The following HYCC1 variants were observed in gnomAD, a reference collection of about 807,000 sequenced individuals.
HYCC1 encodes hyccin.
the HYCC1 span, chr7:22,934,617 T>C: frequency 1.3e-5 from 2 of 152,224 alleles, no homozygotes; most frequent in Non-Finnish European, 2.9e-5. Context: ...GTCATACTCA[T>C]GGCTATGATT....
At chr7:22,995,353 A>AT in the HYCC1 span, among the ~76,000 whole-genome samples, 14 of 151,716 alleles carry the variant, frequency 9.2e-5, no homozygotes, top group African/African-American at 3.1e-4. Context: ...AATCTTGGTG[A>AT]TTTTTTTTCT....
At chr7:22,991,827 T>C in the HYCC1 span, among the ~76,000 whole-genome samples, 1 of 152,144 alleles carries the variant, frequency 6.6e-6, no homozygotes, top group African/African-American at 2.4e-5. Context: ...AACTATTTCC[T>C]GACGGAAAAC....
At chr7:23,013,522 C>T in the HYCC1 span, among the ~76,000 whole-genome samples, 1 of 152,160 alleles carries the variant, frequency 6.6e-6, no homozygotes, top group Admixed American at 6.5e-5. Flanking sequence ...CGGGGGGCTC[C>T]CGCCCCAGGC....
chr7:23,008,470 T>C, the HYCC1 span, among the ~76,000 whole-genome samples: 1 of 152,034 alleles, frequency 6.6e-6, no homozygotes, highest in Non-Finnish European at 1.5e-5. Context: ...AGTACAACTT[T>C]CTCTAGAAAA....
At chr7:22,994,436 A>C in the HYCC1 span, among the ~76,000 whole-genome samples, 1 of 152,168 alleles carries the variant, frequency 6.6e-6, no homozygotes, top group Admixed American at 6.5e-5. Context: ...GTCGGTTCTG[A>C]TAACAGTCTG....
chr7:22,960,449 G>A, the HYCC1 span: 4 of 1,486,366 alleles, frequency 2.7e-6, no homozygotes, highest in Non-Finnish European at 3.7e-6. Flanking sequence ...AGATCAACAT[G>A]AGCAGATAGA....
the HYCC1 span, among the ~76,000 whole-genome samples, chr7:22,913,113 A>C: frequency 7.0e-6 from 1 of 142,484 alleles, no homozygotes; most frequent in Non-Finnish European, 1.6e-5. Flanking sequence ...AACAAGAGCG[A>C]AACTCCATCT....
chr7:22,954,965 T>C, the HYCC1 span, among the ~76,000 whole-genome samples: 3 of 151,518 alleles, frequency 2.0e-5, no homozygotes, highest in African/African-American at 7.2e-5. Flanking sequence ...GAAACATAAA[T>C]TTTGTCTATG....
At chr7:22,924,426 T>C in the HYCC1 span, among the ~76,000 whole-genome samples, 1 of 152,140 alleles carries the variant, frequency 6.6e-6, no homozygotes, top group Non-Finnish European at 1.5e-5. Context: ...GGAATTCCCT[T>C]TCCTAGTCAA....
the HYCC1 span, among the ~76,000 whole-genome samples, chr7:23,006,803 G>T: frequency 6.6e-6 from 1 of 152,044 alleles, no homozygotes; most frequent in Non-Finnish European, 1.5e-5. Context: ...TCAAGAAAAC[G>T]CACACCAAAC....
At chr7:23,004,925 C>A in the HYCC1 span, among the ~76,000 whole-genome samples, 3 of 152,104 alleles carry the variant, frequency 2.0e-5, no homozygotes, top group Admixed American at 6.5e-5. Context: ...CCTGCCTCAG[C>A]CTCCTGAGTA....
the HYCC1 span, among the ~76,000 whole-genome samples, chr7:22,909,926 C>T: frequency 2.6e-5 from 4 of 152,224 alleles, no homozygotes; most frequent in Non-Finnish European, 5.9e-5. Flanking sequence ...TCTTTGCATT[C>T]TCAGTACCCA....
chr7:22,925,639 A>T, the HYCC1 span, among the ~76,000 whole-genome samples: 1 of 152,218 alleles, frequency 6.6e-6, no homozygotes, highest in Non-Finnish European at 1.5e-5. Flanking sequence ...AGAAAAAAGA[A>T]GAGAAAGAAA....
the HYCC1 span, among the ~76,000 whole-genome samples, chr7:23,010,455 A>G: frequency 1.1e-4 from 17 of 152,324 alleles, no homozygotes; most frequent in South Asian, 3.3e-3. Flanking sequence ...TTAAGAAACT[A>G]TAAAAAAGTA....
At chr7:23,014,117 C>T in the HYCC1 span, 1 of 468,864 alleles carries the variant, frequency 2.1e-6, no homozygotes, top group Admixed American at 2.3e-5. Flanking sequence ...GCCACCACTG[C>T]CGCCAGCCTC....
At chr7:22,949,047 G>A in the HYCC1 span, among the ~76,000 whole-genome samples, 1 of 151,768 alleles carries the variant, frequency 6.6e-6, no homozygotes, top group African/African-American at 2.4e-5. Context: ...CTACTAAAGG[G>A]ATCTCCAGTC....
the HYCC1 span, among the ~76,000 whole-genome samples, chr7:23,010,249 G>A: frequency 2.0e-5 from 3 of 152,200 alleles, no homozygotes; most frequent in African/African-American, 7.2e-5. Context: ...ACTAGCCAAA[G>A]CTCTGAATTC....
the HYCC1 span, among the ~76,000 whole-genome samples, chr7:22,963,937 T>C: frequency 2.2e-4 from 34 of 152,288 alleles, no homozygotes; most frequent in African/African-American, 8.2e-4. Context: ...AGAAAAATAC[T>C]AGTACCCAAG....
At chr7:23,002,801 C>T in the HYCC1 span, among the ~76,000 whole-genome samples, 1 of 152,130 alleles carries the variant, frequency 6.6e-6, no homozygotes, top group Admixed American at 6.5e-5. Flanking sequence ...GACTGGGTGG[C>T]TTAAACAACA....
Sources: gnomAD v4.1 joint callset for allele counts (sites outside exome capture counted in the v4.1 genomes callset) on GRCh38, gnomAD v4.1.1 for gene constraint, MANE v1.5 for transcripts, NCBI Gene and HGNC (gene_info 2026-07-23, HGNC 2026-07-21) for gene names.